WDR1: variants seen among roughly 807,000 people sequenced by gnomAD.
The protein encoded by WDR1 is WD repeat domain 1.
In WDR1, 21 loss-of-function variants were observed where a neutral mutation model predicts 71.9. That is an observed-to-expected ratio of 0.29 (90% CI 0.21 to 0.42). WDR1 has a LOEUF of 0.42. Ranked by LOEUF, WDR1 falls within the 10% of genes least tolerant of loss-of-function variation. WDR1 has a pLI of 1.00. For missense variants in WDR1, 696 were observed against 824.5 expected, an observed-to-expected ratio of 0.84 and a Z score of 1.91; for synonymous variants, 424 against 347.4, an observed-to-expected ratio of 1.22 and a Z score of -2.45.
rs749520055 is a variant in WDR1 at position 10,077,818 on chromosome 4, C to T, written c.1504G>A (p.Ala502Thr). ...VTDVAYSHDG[A>T]FLAVCDASKV... ...CTGGCGTCGCACACCGCGAGGAAGGCGCCGTCGTGGGAGTAGGCCACGTCG... is the reference window on the plus strand; with the variant it reads ...CTGGCGTCGCACACCGCGAGGAAGGTGCCGTCGTGGGAGTAGGCCACGTCG... Residue 502 changes from alanine to threonine, a missense_variant, in exon 13 of 15, where the codon GCC (alanine) becomes ACC (threonine). Physicochemically the swap from Ala to Thr is moderately conservative, Grantham distance 58 (BLOSUM62 0). Coordinates refer to ENST00000499869, the MANE Select transcript of WDR1 (RefSeq NM_017491.5). 3.0e-5 allele frequency: 49 copies of T among 1,606,984 alleles called. No individual in the cohort carries two copies. Among genetic ancestry groups the T allele is most frequent in the Non-Finnish European group, 3.8e-5 (45 of 1,177,042 alleles).
At chr4:10,115,032 G>A (rs1267843232) in intron 2 of WDR1, among the ~76,000 whole-genome samples, 2 of 152,244 alleles carry the variant, frequency 1.3e-5, no homozygotes, top group Non-Finnish European at 2.9e-5. Flanking sequence ...TGGAGGGCAA[G>A]TGTGTCCGAT....
intron 5 of WDR1, among the ~76,000 whole-genome samples, chr4:10,097,368 C>G (rs1050200208): frequency 2.6e-5 from 4 of 152,270 alleles, no homozygotes; most frequent in Admixed American, 2.6e-4. Context: ...CAGCTAACAG[C>G]AGGCCCTGCA....
chr4:10,112,288 C>A (rs776901838), intron 2 of WDR1, among the ~76,000 whole-genome samples: 1 of 152,086 alleles, frequency 6.6e-6, no homozygotes, highest in Non-Finnish European at 1.5e-5. Flanking sequence ...AAGGAGGTAC[C>A]AGCACCTGCA....
chr4:10,094,706 G>A (rs998964559), intron 5 of WDR1: 1 of 152,188 alleles, frequency 6.6e-6, no homozygotes, highest in East Asian at 1.9e-4. Context: ...TCACTGGGTA[G>A]GAATGAGCCG....
intron 5 of WDR1, chr4:10,093,090 A>T (rs1165635759): frequency 1.6e-6 from 2 of 1,289,186 alleles, no homozygotes; most frequent in Non-Finnish European, 2.0e-6. Context: ...ATTAAGTACC[A>T]CACCCATGTC....
At chr4:10,079,113 T>C (rs1206922204) in intron 11 of WDR1, 112 bp from the exon 12 acceptor site, 3 of 793,296 alleles carry the variant, frequency 3.8e-6, no homozygotes, top group African/African-American at 3.5e-5. Flanking sequence ...TTTGGCTCCA[T>C]ACCCAACCTC....
At chr4:10,098,413 T>C (rs1453909657) in intron 4 of WDR1, among the ~76,000 whole-genome samples, 2 of 152,224 alleles carry the variant, frequency 1.3e-5, no homozygotes, top group East Asian at 1.9e-4. Flanking sequence ...CATGCCACTG[T>C]CAAGTTCAAG....
At chr4:10,092,723 G>C (rs1461307472) in intron 5 of WDR1, 1 of 252,162 alleles carries the variant, frequency 4.0e-6, no homozygotes, top group African/African-American at 2.2e-5. Flanking sequence ...AAAAAAGCGA[G>C]GGCTAAAAAT....
intron 10 of WDR1, 143 bp downstream of exon 10, chr4:10,082,879 C>G: frequency 8.8e-7 from 1 of 1,130,436 alleles, no homozygotes; most frequent in Non-Finnish European, 1.2e-6. Flanking sequence ...GGCCCAACAA[C>G]AGGAGAACAA....
Position 10,097,759 on chromosome 4 carries a change from G to A in WDR1, c.510C>T (p.Cys170=), listed in dbSNP as rs761011483. ...ATGGGGGTCCCTCAAAGAATGCCGC[G>A]CAGTTATCATCGCTTCCCGTGGCCA... ...YRLATGSDDN[C]AAFFEGPPFK... is the part of the protein sequence containing the mutation. The change falls in exon 5 of 15, where the codon TGC becomes TGT. Residue 170 remains cysteine (C), a synonymous_variant. Transcript: ENST00000499869. 8.7e-5 allele frequency: 140 copies of A among 1,613,520 alleles called. No homozygotes were observed. In the Middle Eastern group the frequency reaches 1.3e-3, roughly 15 times the overall value.
At chr4:10,076,216 C>T (rs1297144189) in intron 14 of WDR1, 2 of 152,544 alleles carry the variant, frequency 1.3e-5, no homozygotes, top group East Asian at 3.8e-4. Context: ...GCACGGCATA[C>T]ATCCTGATGA....
chr4:10,079,332 A>T (rs1764924413), intron 11 of WDR1, among the ~76,000 whole-genome samples: 1 of 152,260 alleles, frequency 6.6e-6, no homozygotes, highest in Non-Finnish European at 1.5e-5. Context: ...TAAGAAAGGT[A>T]CTAACAACAG....
chr4:10,116,283 G>T (rs1213189678), intron 1 of WDR1, 49 bp from the exon 2 acceptor site: 1 of 1,610,856 alleles, frequency 6.2e-7, no homozygotes, highest in Non-Finnish European at 8.5e-7. Context: ...GGCGGGGACG[G>T]CGGGGACAGA....
rs76239428 is a variant in WDR1 at position 10,103,659 on chromosome 4, C to T, written c.229+237G>A. 6.0e-3 allele frequency among the ~76,000 whole-genome samples: 913 copies of T among 152,272 alleles called. 6 individuals carry two copies. Among genetic ancestry groups the T allele is most frequent in the Non-Finnish European group, 7.8e-3 (529 of 68,022 alleles). ...GTGTTGGGCTGCATTCGAAGCCATC[C>T]GGGGCCACATGCAGCCCATGGGCCA... On this transcript the variant is annotated intron_variant, in intron 3 of 14. Coordinates refer to ENST00000499869, the MANE Select transcript of WDR1 (RefSeq NM_017491.5).
rs769234806 is a variant in WDR1 at position 10,075,502 on chromosome 4, A to G, written c.1715-18T>C. 1 of 1,612,376 alleles carries G rather than the reference A, an allele frequency of 6.2e-7. No individual in the cohort carries two copies. The highest frequency in any genetic ancestry group is 8.5e-7 in the Non-Finnish European group (1 of 1,178,848). On this transcript the variant is annotated intron_variant, in intron 14 of 14. Coordinates refer to ENST00000499869, the MANE Select transcript of WDR1 (RefSeq NM_017491.5). ...GTGTGCATCTGGGAAGAAAGGGTGC[A>G]ATTTAACGAAAAGCCAAACTTCTCT... is the stretch of plus-strand genomic sequence containing the variant.
At chr4:10,114,200 G>A (rs964745506) in intron 2 of WDR1, among the ~76,000 whole-genome samples, 4 of 152,196 alleles carry the variant, frequency 2.6e-5, no homozygotes, top group Non-Finnish European at 5.9e-5. Context: ...TGGCATTGCA[G>A]AAACTTAAAA....
Position 10,078,882 on chromosome 4 carries a change from G to C in WDR1, c.1395+9C>G. The C allele has an allele frequency of 6.2e-7, 1 of 1,610,856 alleles. No homozygotes were observed. ...GACAGAGAGCACGGGGGAGAGGAAA[G>C]CGACTTACCACACCCCCAATTGCCA... is the stretch of plus-strand genomic sequence containing the variant. On this transcript the variant is annotated intron_variant, in intron 12 of 14. Coordinates refer to ENST00000499869, the MANE Select transcript of WDR1 (RefSeq NM_017491.5).
intron 3 of WDR1, among the ~76,000 whole-genome samples, chr4:10,099,783 T>G (rs2109680843): frequency 6.6e-6 from 1 of 152,336 alleles, no homozygotes; most frequent in Admixed American, 6.5e-5. Context: ...CACCGAGCAG[T>G]TCCACGACGC....
chr4:10,079,377 C>T (rs1454517147), intron 11 of WDR1, among the ~76,000 whole-genome samples: 3 of 152,240 alleles, frequency 2.0e-5, no homozygotes, highest in Non-Finnish European at 4.4e-5. Context: ...AGGCACGTGC[C>T]AGCGCTCTGC....
Sources: gnomAD v4.1 joint callset for allele counts (sites outside exome capture counted in the v4.1 genomes callset) on GRCh38, gnomAD v4.1.1 for gene constraint, MANE v1.5 for transcripts, NCBI Gene and HGNC (gene_info 2026-07-23, HGNC 2026-07-21) for gene names.